DNAH17: variants seen among roughly 807,000 people sequenced by gnomAD.
DNAH17 encodes the protein axonemal beta dynein heavy chain 17.
A neutral mutation model predicts 485.6 loss-of-function variants in DNAH17; 376 were observed. That is an observed-to-expected ratio of 0.77 (90% CI 0.71 to 0.84). The LOEUF (loss-of-function observed/expected upper bound fraction) is 0.84, where lower values mean the gene tolerates loss of function less well. DNAH17 is among the 40% of genes least tolerant of loss of function. The probability of loss-of-function intolerance (pLI) is 0.00; values close to 1 mark genes in which losing one functional copy is unlikely to be tolerated. For synonymous variants in DNAH17, 3,031 were observed against 2,405.9 expected (o/e 1.26, Z -7.60); for missense variants, 6,370 against 5,839.3 (o/e 1.09, Z -2.96).
intron 52 of DNAH17, 158 bp from the exon 53 acceptor site, chr17:78,475,991 G>A (rs1439793988): frequency 2.6e-6 from 2 of 770,596 alleles, no homozygotes; most frequent in Non-Finnish European, 4.0e-6. Context: ...CGTGGGCCCA[G>A]CAAACCACTG....
chr17:78,465,088 G>A (rs1180534056), intron 56 of DNAH17, among the ~76,000 whole-genome samples: 3 of 152,072 alleles, frequency 2.0e-5, no homozygotes, highest in East Asian at 3.9e-4. Context: ...TTGCAGGCTC[G>A]CGCCGCCACG....
At chr17:78,529,965 C>T (rs1007966137) in intron 21 of DNAH17, among the ~76,000 whole-genome samples, 6 of 152,192 alleles carry the variant, frequency 3.9e-5, no homozygotes, top group African/African-American at 1.2e-4. Flanking sequence ...ACTAGCCTCC[C>T]GGATGGAATT....
At chr17:78,493,873 GC>G in intron 41 of DNAH17, 162 bp downstream of exon 41, 3 of 1,020,428 alleles carry the variant, frequency 2.9e-6, no homozygotes, top group Non-Finnish European at 4.0e-6. Flanking sequence ...CTCCTCCTCG[GC>G]CCCCAGCTTC....
chr17:78,502,400 G>GGA (rs1315673478), intron 33 of DNAH17, 191 bp downstream of exon 33: 1 of 514,650 alleles, frequency 1.9e-6, no homozygotes, highest in Non-Finnish European at 3.4e-6. Flanking sequence ...TTACTCGTGG[G>GGA]GAGAGGTGCC....
At chr17:78,530,196 G>T in intron 21 of DNAH17, 147 bp downstream of exon 21, 5 of 893,560 alleles carry the variant, frequency 5.6e-6, no homozygotes, top group South Asian at 1.8e-5. Flanking sequence ...GCTCACGCTT[G>T]GTGGGGTAGT....
At chr17:78,545,603 C>T (rs530831235) in intron 16 of DNAH17, among the ~76,000 whole-genome samples, 28 of 152,118 alleles carry the variant, frequency 1.8e-4, no homozygotes, top group Admixed American at 1.6e-3. Flanking sequence ...GATTGCCTCC[C>T]CAGGGCCACG....
At chr17:78,508,119 C>A (rs971586460) in intron 27 of DNAH17, among the ~76,000 whole-genome samples, 2 of 152,116 alleles carry the variant, frequency 1.3e-5, no homozygotes, top group African/African-American at 4.8e-5. Flanking sequence ...ACATAGTGCA[C>A]GCAAAGGAGA....
intron 37 of DNAH17, 118 bp from the exon 38 acceptor site, chr17:78,496,150 T>A: frequency 8.9e-7 from 1 of 1,121,024 alleles, no homozygotes. Flanking sequence ...AATTCAAACC[T>A]CCTAGTTTAT....
intron 25 of DNAH17, among the ~76,000 whole-genome samples, chr17:78,515,846 T>G (rs903666534): frequency 3.9e-5 from 6 of 152,228 alleles, no homozygotes; most frequent in African/African-American, 9.7e-5. Flanking sequence ...CACAGAGATG[T>G]GTGGGGTTGT....
chr17:78,449,837 CTAAT>C, intron 68 of DNAH17: 1 of 474,678 alleles, frequency 2.1e-6, no homozygotes, highest in Non-Finnish European at 3.8e-6. Flanking sequence ...CCACACCTGG[CTAAT>C]TTTTTTTTAT....
chr17:78,465,840 C>T lies in DNAH17; in HGVS notation c.8940+815G>A, dbSNP rs551057804. Among the ~76,000 whole-genome samples, 504 of 151,190 alleles carry T rather than the reference C, an allele frequency of 3.3e-3. 4 individuals are homozygous for T. Among genetic ancestry groups the T allele is most frequent in the African/African-American group, 0.012 (474 of 40,890 alleles). ...CAGCCCCCCGCCCGGCCAGCCGCCCCGTCCGGGAGGTGAGGGGCGCCTCTG... is the reference window on the plus strand; with the variant it reads ...CAGCCCCCCGCCCGGCCAGCCGCCCTGTCCGGGAGGTGAGGGGCGCCTCTG... On this transcript the variant is annotated intron_variant, in intron 56 of 80. Coordinates refer to ENST00000389840, the MANE Select transcript of DNAH17 (RefSeq NM_173628.4).
intron 15 of DNAH17, among the ~76,000 whole-genome samples, chr17:78,552,325 G>T (rs952996908): frequency 1.3e-5 from 2 of 152,182 alleles, no homozygotes; most frequent in African/African-American, 4.8e-5. Flanking sequence ...CTACTTTGCT[G>T]ACGTCTGCCC....
chr17:78,468,880 C>A lies in DNAH17; in HGVS notation c.8515G>T (p.Asp2839Tyr). 1.2e-6 allele frequency: 2 copies of A among 1,612,388 alleles called. No homozygotes were observed. The highest frequency in any genetic ancestry group is 2.2e-5 in the South Asian group (2 of 90,928). The change falls in exon 55 of 81, where the codon GAC (aspartate) becomes TAC (tyrosine). Residue 2839 changes from aspartate to tyrosine, a missense_variant. By Grantham distance (160) the Asp-to-Tyr change is radical. Coordinates refer to ENST00000389840, the MANE Select transcript of DNAH17 (RefSeq NM_173628.4). ...GCCTTTATGTACTGAGCAGCGAGGT[C>A]AATCTGGACGGAGTGAGGACACGCT... ...KGYGIPDLKI[D>Y]LAAQYIKAAV...
intron 52 of DNAH17, 128 bp downstream of exon 52, chr17:78,476,444 C>G: frequency 2.6e-6 from 3 of 1,145,308 alleles, no homozygotes; most frequent in Non-Finnish European, 3.6e-6. Context: ...CGCGTGGAAC[C>G]TAACACGGAT....
intron 33 of DNAH17, chr17:78,502,311 A>G (rs73380870): frequency 0.17 from 56,815 of 330,874 alleles, 4,431 homozygotes; most frequent in African/African-American, 0.23. Context: ...AACCAAGGAC[A>G]TTTTTTTTTT....
Position 78,485,048 on chromosome 17 carries a change from G to A in DNAH17, c.7484-15C>T, listed in dbSNP as rs2089536468. On this transcript the variant is annotated splice_polypyrimidine_tract_variant and intron_variant, in intron 47 of 80. Transcript: ENST00000389840. ...CTCCAGCACCCCTAGAGAGGGCAGA[G>A]GGTCAGCTGCCCGCCTGCGCCTCCT... is the stretch of plus-strand genomic sequence containing the variant. The A allele has an allele frequency of 3.2e-6, 5 of 1,586,462 alleles. No individual in the cohort carries two copies. Among genetic ancestry groups the A allele is most frequent in the South Asian group, 1.1e-5 (1 of 87,102 alleles).
intron 49 of DNAH17, 38 bp downstream of exon 49, chr17:78,480,646 C>T: frequency 1.3e-6 from 2 of 1,562,404 alleles, no homozygotes; most frequent in Non-Finnish European, 1.8e-6. Context: ...GCCTCAGACT[C>T]ATGGCAGGTG....
chr17:78,570,188 CG>C lies in DNAH17; in HGVS notation c.1044+58del. 4 of 1,511,292 alleles carry C rather than the reference CG, an allele frequency of 2.6e-6. No homozygotes were observed. In the South Asian group the frequency reaches 5.1e-5, roughly 19 times the overall value. The allele number at this position is 1,511,292 out of a possible 1,614,324, so 93.6% of individuals were successfully genotyped here. A position where few individuals can be genotyped will look rare whatever the true frequency, so the allele number is the denominator to read the frequency against. Reference sequence around the variant, plus strand: ...CATGGGCAGCAGGAAAACAGTGAACCGGGGAGGGGACCCAGCCAGGAGGGGA... The same window carrying C: ...CATGGGCAGCAGGAAAACAGTGAACCGGGAGGGGACCCAGCCAGGAGGGGA... On this transcript the variant is annotated intron_variant, in intron 7 of 80. Coordinates refer to ENST00000389840, the MANE Select transcript of DNAH17 (RefSeq NM_173628.4).
intron 34 of DNAH17, 157 bp from the exon 35 acceptor site, chr17:78,501,501 A>T: frequency 9.8e-7 from 1 of 1,016,422 alleles, no homozygotes; most frequent in Non-Finnish European, 1.4e-6. Context: ...CTGTATGGCC[A>T]CCCTCAGTGG....
Sources: gnomAD v4.1 joint callset for allele counts (sites outside exome capture counted in the v4.1 genomes callset) on GRCh38, gnomAD v4.1.1 for gene constraint, MANE v1.5 for transcripts, NCBI Gene and HGNC (gene_info 2026-07-23, HGNC 2026-07-21) for gene names.